Variants in CHRM3 observed in about 807,000 individuals in gnomAD.
CHRM3 encodes muscarinic acetylcholine receptor M3.
A neutral mutation model predicts 41.8 loss-of-function variants in CHRM3; 11 were observed. The ratio of observed to expected loss-of-function variants is 0.26; its 90% CI spans 0.17 to 0.44. The LOEUF is 0.44. CHRM3 is among the 20% of genes least tolerant of loss of function. The pLI is 1.00. For synonymous variants in CHRM3, 297 were observed against 301.4 expected (o/e 0.99, Z 0.15); for missense variants, 571 against 745.4 (o/e 0.77, Z 2.72).
intron 5 of CHRM3, among the ~76,000 whole-genome samples, chr1:239,759,181 T>C (rs1375996633): frequency 1.4e-5 from 2 of 143,514 alleles, no homozygotes; most frequent in Non-Finnish European, 3.0e-5. Flanking sequence ...TTTTTTTTTT[T>C]GTTTTTTTTT....
intron 1 of CHRM3, among the ~76,000 whole-genome samples, chr1:239,449,753 T>TGTGTGTGTGTGTGC (rs58076099): frequency 6.6e-6 from 1 of 151,580 alleles, no homozygotes; most frequent in African/African-American, 2.4e-5. Context: ...TGTGTGTGTG[T>TGTGTGTGTGTGTGC]GCGTGTGTGT....
intron 3 of CHRM3, among the ~76,000 whole-genome samples, chr1:239,580,826 T>C (rs923403039): frequency 1.3e-5 from 2 of 150,858 alleles, no homozygotes. Flanking sequence ...CCTTGTGTGA[T>C]TTTTACATGC....
chr1:239,684,130 A>G lies in CHRM3; in HGVS notation c.-147+5842A>G, dbSNP rs142765290. On this transcript the variant is annotated intron_variant, in intron 5 of 6. Transcript: ENST00000676153. ...ACCAATTTTTTACCAGAATAAAACC[A>G]TGGGTGGTTCAGTGGTAGAATTCAT... is the stretch of plus-strand genomic sequence containing the variant. Among the ~76,000 whole-genome samples the G allele has an allele frequency of 4.2e-4, 64 of 152,268 alleles. No homozygotes were observed. In the East Asian group the frequency reaches 6.4e-3, roughly 15 times the overall value.
At chr1:239,783,338 A>T (rs1254273227) in intron 5 of CHRM3, among the ~76,000 whole-genome samples, 2 of 152,130 alleles carry the variant, frequency 1.3e-5, no homozygotes, top group African/African-American at 4.8e-5. Flanking sequence ...CATATTCAAT[A>T]GTCTTAATAT....
chr1:239,694,003 C>T (rs1355386580), intron 5 of CHRM3, among the ~76,000 whole-genome samples: 1 of 152,024 alleles, frequency 6.6e-6, no homozygotes. Flanking sequence ...TTTCATATAG[C>T]AATAATTCAT....
At chr1:239,552,270 A>G (rs1357723689) in intron 3 of CHRM3, among the ~76,000 whole-genome samples, 2 of 111,522 alleles carry the variant, frequency 1.8e-5, no homozygotes, top group Non-Finnish European at 4.0e-5. Flanking sequence ...TGTATCATAT[A>G]TATGTATAGA....
chr1:239,578,783 GGTC>G lies in CHRM3; in HGVS notation c.-313+33035_-313+33037del, dbSNP rs779357328. ...CTAAAAGATCACTGGGACTCCACCC[GGTC>G]CCCAACCCAGAATCTCCAGGTCTCC... On this transcript the variant is annotated intron_variant, in intron 3 of 6. Transcript: ENST00000676153. 3.0e-4 allele frequency among the ~76,000 whole-genome samples: 46 copies of G among 152,170 alleles called. 1 individual carries two copies. The highest frequency in any genetic ancestry group is 3.4e-3 in the Middle Eastern group (1 of 294).
chr1:239,794,492 C>A (rs1290448060), intron 5 of CHRM3, among the ~76,000 whole-genome samples: 2 of 147,870 alleles, frequency 1.4e-5, no homozygotes, highest in East Asian at 4.1e-4. Flanking sequence ...CAGTAACATT[C>A]AAGATTTCAG....
intron 5 of CHRM3, among the ~76,000 whole-genome samples, chr1:239,786,685 C>T (rs988218964): frequency 2.6e-5 from 4 of 152,100 alleles, no homozygotes; most frequent in East Asian, 1.9e-4. Context: ...CATCTCACAC[C>T]GCAGGGTGCC....
intron 2 of CHRM3, among the ~76,000 whole-genome samples, chr1:239,531,687 T>C (rs956544111): frequency 8.0e-6 from 1 of 124,912 alleles, no homozygotes; most frequent in Non-Finnish European, 1.6e-5. Flanking sequence ...GGAGGCAGAG[T>C]CTCGCTCTGT....
intron 5 of CHRM3, among the ~76,000 whole-genome samples, chr1:239,757,355 A>T (rs1351222539): frequency 6.6e-6 from 1 of 152,168 alleles, no homozygotes; most frequent in African/African-American, 2.4e-5. Context: ...TGTAGAAAAG[A>T]CATCCTCTCA....
chr1:239,831,011 G>A (rs1373413941), intron 6 of CHRM3, among the ~76,000 whole-genome samples: 1 of 151,530 alleles, frequency 6.6e-6, no homozygotes, highest in African/African-American at 2.4e-5. Flanking sequence ...TTTTTAATAT[G>A]GACTTTGTAT....
chr1:239,865,980 T>A (rs1046618934), intron 6 of CHRM3, among the ~76,000 whole-genome samples: 2 of 152,040 alleles, frequency 1.3e-5, no homozygotes, highest in Admixed American at 1.3e-4. Flanking sequence ...TTTCAGGGTG[T>A]TCCATGGAGG....
intron 5 of CHRM3, among the ~76,000 whole-genome samples, chr1:239,806,189 G>C (rs980739038): frequency 6.6e-6 from 1 of 152,116 alleles, no homozygotes; most frequent in Non-Finnish European, 1.5e-5. Flanking sequence ...TCCCAGCTTT[G>C]AACAACAACT....
chr1:239,426,531 G>A (rs992647958), intron 1 of CHRM3, among the ~76,000 whole-genome samples: 2 of 151,932 alleles, frequency 1.3e-5, no homozygotes, highest in African/African-American at 4.8e-5. Flanking sequence ...AAGATGAGTG[G>A]GTTCAATGTA....
chr1:239,424,847 C>T (rs148967213), intron 1 of CHRM3, among the ~76,000 whole-genome samples: 40 of 152,270 alleles, frequency 2.6e-4, no homozygotes, highest in Non-Finnish European at 5.4e-4. Flanking sequence ...TCCAGGAGTG[C>T]TGACTTTCTT....
At chr1:239,472,804 T>C (rs534027997) in intron 1 of CHRM3, among the ~76,000 whole-genome samples, 2 of 152,192 alleles carry the variant, frequency 1.3e-5, no homozygotes, top group South Asian at 4.2e-4. Context: ...GATGGGCTGA[T>C]AGGTGCAGCA....
chr1:239,410,806 C>G (rs1280100481), intron 1 of CHRM3, among the ~76,000 whole-genome samples: 2 of 152,160 alleles, frequency 1.3e-5, no homozygotes, highest in African/African-American at 2.4e-5. Flanking sequence ...CCACACTGCC[C>G]CTTCATGCTT....
chr1:239,736,159 C>T (rs897549948), intron 5 of CHRM3, among the ~76,000 whole-genome samples: 2 of 152,004 alleles, frequency 1.3e-5, no homozygotes, highest in Non-Finnish European at 2.9e-5. Context: ...CACCTTTAAT[C>T]TTCACAAAAG....
Sources: allele counts gnomAD v4.1 joint callset (sites outside exome capture counted in the v4.1 genomes callset), GRCh38; gene constraint gnomAD v4.1.1; transcripts MANE v1.5; gene names NCBI Gene and HGNC (gene_info 2026-07-23, HGNC 2026-07-21).